Variants in SEMA6D observed in about 807,000 individuals in gnomAD.
The protein encoded by SEMA6D is semaphorin-6D.
A neutral mutation model predicts 106.6 loss-of-function variants in SEMA6D; 35 were observed. That is an observed-to-expected ratio of 0.33 (90% confidence interval 0.25 to 0.44). SEMA6D has a LOEUF of 0.44. Ranked by LOEUF, SEMA6D falls within the 20% of genes least tolerant of loss-of-function variation. SEMA6D has a pLI of 1.00. For missense variants in SEMA6D, 1,185 were observed against 1,345.9 expected (o/e 0.88, Z 1.87); for synonymous variants, 499 against 487.7 (o/e 1.02, Z -0.31).
At chr15:47,393,620 C>A (rs937782810) in intron 1 of SEMA6D, 1 of 152,182 alleles carries the variant, frequency 6.6e-6, no homozygotes, top group African/African-American at 2.4e-5. Flanking sequence ...TATAGGCCTT[C>A]CAGTGTTAAT....
At chr15:47,617,166 C>G (rs1464588460) in intron 4 of SEMA6D, among the ~76,000 whole-genome samples, 3 of 152,148 alleles carry the variant, frequency 2.0e-5, no homozygotes, top group African/African-American at 7.2e-5. Flanking sequence ...GAAGCTGGAG[C>G]TCGTTACTGT....
chr15:47,426,656 C>T (rs1293200844), intron 2 of SEMA6D, among the ~76,000 whole-genome samples: 1 of 150,068 alleles, frequency 6.7e-6, no homozygotes, highest in East Asian at 1.9e-4. Context: ...CATATAATAG[C>T]ACATCCCTGA....
At chr15:47,228,284 G>C (rs1166219458) in intron 1 of SEMA6D, among the ~76,000 whole-genome samples, 1 of 151,602 alleles carries the variant, frequency 6.6e-6, no homozygotes, top group African/African-American at 2.4e-5. Flanking sequence ...AAGAACATTG[G>C]TTTTGTATGA....
chr15:47,384,890 G>A (rs12917367), intron 1 of SEMA6D, among the ~76,000 whole-genome samples: 30,936 of 90,868 alleles, frequency 0.34, 3,677 homozygotes, highest in Middle Eastern at 0.52. Context: ...CAGATCATTT[G>A]TTGTTTTTTC....
At chr15:47,242,277 A>G (rs1264370719) in intron 1 of SEMA6D, among the ~76,000 whole-genome samples, 2 of 152,142 alleles carry the variant, frequency 1.3e-5, no homozygotes, top group Non-Finnish European at 2.9e-5. Flanking sequence ...ATTACTTTTA[A>G]TATTTTTTTA....
At chr15:47,254,396 C>G (rs1264656315) in intron 1 of SEMA6D, among the ~76,000 whole-genome samples, 1 of 148,874 alleles carries the variant, frequency 6.7e-6, no homozygotes, top group African/African-American at 2.5e-5. Flanking sequence ...TTACTTTCTC[C>G]TTTCCCATTT....
At chr15:47,638,540 A>G (rs890565597) in intron 4 of SEMA6D, among the ~76,000 whole-genome samples, 8 of 152,232 alleles carry the variant, frequency 5.3e-5, no homozygotes, top group Non-Finnish European at 1.0e-4. Context: ...AATGTTTGAC[A>G]ATAATCAGAT....
chr15:47,266,653 G>A (rs728429), intron 1 of SEMA6D, among the ~76,000 whole-genome samples: 38,011 of 151,854 alleles, frequency 0.25, 5,695 homozygotes, highest in Middle Eastern at 0.45. Flanking sequence ...ATCCACATTT[G>A]CCCAGGGCTT....
chr15:47,290,496 A>G (rs2035550601), intron 1 of SEMA6D, among the ~76,000 whole-genome samples: 1 of 152,146 alleles, frequency 6.6e-6, no homozygotes, highest in Non-Finnish European at 1.5e-5. Flanking sequence ...TTTTTAATAA[A>G]ATAATAATCA....
At chr15:47,655,852 G>A (rs151204805) in intron 4 of SEMA6D, among the ~76,000 whole-genome samples, 34 of 152,370 alleles carry the variant, frequency 2.2e-4, no homozygotes, top group Non-Finnish European at 3.8e-4. Flanking sequence ...CAAAATCAAT[G>A]TTTGTAGCAC....
chr15:47,630,521 A>G (rs1408413760), intron 4 of SEMA6D, among the ~76,000 whole-genome samples: 1 of 151,756 alleles, frequency 6.6e-6, no homozygotes, highest in African/African-American at 2.4e-5. Flanking sequence ...TTCTATGAAG[A>G]CAATTACATC....
chr15:47,682,152 C>A (rs2078367694), intron 4 of SEMA6D, among the ~76,000 whole-genome samples: 1 of 151,722 alleles, frequency 6.6e-6, no homozygotes, highest in Non-Finnish European at 1.5e-5. Context: ...GGTGCACAGC[C>A]TGATCCAAAC....
At chr15:47,464,246 C>A (rs2042595969) in intron 2 of SEMA6D, among the ~76,000 whole-genome samples, 1 of 151,950 alleles carries the variant, frequency 6.6e-6, no homozygotes. Context: ...TATTGTCAGG[C>A]AGTTAGGAGG....
chr15:47,453,297 AC>A lies in SEMA6D; in HGVS notation c.-158-17176del, dbSNP rs200702437. 1.5e-3 allele frequency among the ~76,000 whole-genome samples: 235 copies of A among 151,760 alleles called. 1 individual carries two copies. The highest frequency in any genetic ancestry group is 5.4e-3 in the African/African-American group (224 of 41,406). ...CTTAAGTGCCCTTTCGAAAAAAAAAACACCCTTTCAACAAATGTGTTTTAAA... is the reference window on the plus strand; with the variant it reads ...CTTAAGTGCCCTTTCGAAAAAAAAAAACCCTTTCAACAAATGTGTTTTAAA... On this transcript the variant is annotated intron_variant, in intron 2 of 19. Transcript: ENST00000558014.
rs79628603 is a variant in SEMA6D, at chr15:47,670,997, A to C, written c.-55+70101A>C. 5.3e-4 allele frequency among the ~76,000 whole-genome samples: 80 copies of C among 152,356 alleles called. 1 individual carries two copies. In the East Asian group the frequency reaches 0.013, roughly 24 times the overall value. ...TAGCTTTGGATTTAGATATTTTCGTAATAGAATACAGAAAAAAATTGTGTT... is the reference window on the plus strand; with the variant it reads ...TAGCTTTGGATTTAGATATTTTCGTCATAGAATACAGAAAAAAATTGTGTT... On this transcript the variant is annotated intron_variant, in intron 4 of 19. Coordinates refer to the SEMA6D transcript ENST00000558014.
chr15:47,438,899 A>G (rs2041804070), intron 2 of SEMA6D, among the ~76,000 whole-genome samples: 2 of 152,052 alleles, frequency 1.3e-5, no homozygotes, highest in South Asian at 4.1e-4. Context: ...CAGATGCACA[A>G]TCAATATTTA....
chr15:47,516,613 G>A (rs546728466), intron 3 of SEMA6D, among the ~76,000 whole-genome samples: 4 of 152,250 alleles, frequency 2.6e-5, no homozygotes, highest in African/African-American at 9.6e-5. Context: ...AGGCAACTAA[G>A]GGACAGAAAA....
intron 1 of SEMA6D, among the ~76,000 whole-genome samples, chr15:47,345,061 A>C (rs996725989): frequency 8.5e-5 from 13 of 152,178 alleles, no homozygotes; most frequent in African/African-American, 3.1e-4. Context: ...AATATTGCTA[A>C]AGGAAATTAA....
chr15:47,289,028 G>T (rs1277764685), intron 1 of SEMA6D, among the ~76,000 whole-genome samples: 1 of 152,104 alleles, frequency 6.6e-6, no homozygotes, highest in Non-Finnish European at 1.5e-5. Flanking sequence ...AGGCCCAGAA[G>T]CTTCAACCAA....
Sources: gnomAD v4.1 joint callset for allele counts (sites outside exome capture counted in the v4.1 genomes callset) on GRCh38, gnomAD v4.1.1 for gene constraint, MANE v1.5 for transcripts, NCBI Gene and HGNC (gene_info 2026-07-23, HGNC 2026-07-21) for gene names.